Variants in RPRD1A observed in about 807,000 individuals in gnomAD.
RPRD1A encodes regulation of nuclear pre-mRNA domain containing 1A.
In RPRD1A, 9 loss-of-function variants were observed where a neutral mutation model predicts 37.8. That is an observed-to-expected ratio of 0.24 (90% CI 0.14 to 0.42). RPRD1A has a LOEUF of 0.42. Among genes scored for constraint, RPRD1A ranks in the 10% least tolerant of loss-of-function variants. RPRD1A has a pLI of 1.00. For missense variants in RPRD1A, 255 were observed against 371.0 expected, an observed-to-expected ratio of 0.69 and a Z score of 2.57; for synonymous variants, 138 against 139.7, an observed-to-expected ratio of 0.99 and a Z score of 0.08.
rs151308791 is a variant in RPRD1A, at chr18:36,039,096, G to A, written c.152-5259C>T. ...GGGAAAGCATGATTGGTTTTGAAAT[G>A]TAAGAAGGACATGAGATTTGGGAGG... is the stretch of plus-strand genomic sequence containing the variant. On this transcript the variant is annotated intron_variant, in intron 1 of 6. Transcript: ENST00000399022. 7.0e-4 allele frequency among the ~76,000 whole-genome samples: 106 copies of A among 152,262 alleles called. 1 individual carries two copies. Among genetic ancestry groups the A allele is most frequent in the African/African-American group, 2.5e-3 (103 of 41,550 alleles).
chr18:35,994,203 T>C (rs915496438), intron 6 of RPRD1A, among the ~76,000 whole-genome samples: 2 of 152,196 alleles, frequency 1.3e-5, no homozygotes, highest in African/African-American at 2.4e-5. Context: ...CAATTCACTA[T>C]TACCACAGTG....
chr18:36,049,476 G>C (rs555226982), intron 1 of RPRD1A, among the ~76,000 whole-genome samples: 14 of 152,210 alleles, frequency 9.2e-5, no homozygotes, highest in Non-Finnish European at 1.6e-4. Flanking sequence ...TGCTGCATAA[G>C]GAAGAAAATT....
At chr18:36,050,868 CTTTT>C (rs374429594) in intron 1 of RPRD1A, among the ~76,000 whole-genome samples, 3 of 128,082 alleles carry the variant, frequency 2.3e-5, no homozygotes, top group Admixed American at 7.5e-5. Flanking sequence ...CTTTTCTTTT[CTTTT>C]TTTTTTTTAC....
At chr18:36,028,043 C>T (rs181721617) in intron 4 of RPRD1A, 2 of 151,990 alleles carry the variant, frequency 1.3e-5, no homozygotes, top group East Asian at 1.9e-4. Context: ...TTTCACAACT[C>T]ATAATGTCTA....
At position 36,008,543 on chromosome 18, in the gene RPRD1A, T is replaced by G. The variant is rs896259810; in HGVS notation, c.790-15243A>C. Among the ~76,000 whole-genome samples the G allele has an allele frequency of 3.1e-4, 19 of 61,318 alleles. No homozygotes were observed. The East Asian group carries it at 7.0e-3, about 23-fold the overall frequency. 40.2% of individuals were successfully genotyped at this position (61,318 alleles called of 152,430 possible). On this transcript the variant is annotated intron_variant, in intron 6 of 6. Coordinates refer to ENST00000399022, the MANE Select transcript of RPRD1A (RefSeq NM_018170.5). Reference sequence around the variant, plus strand: ...GTGAGCCATGATTGCACCATCGCACTCTAGCCTGGGCGACACAGCAAGACC... The same window carrying G: ...GTGAGCCATGATTGCACCATCGCACGCTAGCCTGGGCGACACAGCAAGACC...
intron 6 of RPRD1A, among the ~76,000 whole-genome samples, chr18:36,001,257 T>TG (rs2144159485): frequency 6.6e-6 from 1 of 152,272 alleles, no homozygotes; most frequent in Non-Finnish European, 1.5e-5. Context: ...GGTGGAAGGA[T>TG]GGAGCAGAGA....
intron 1 of RPRD1A, among the ~76,000 whole-genome samples, chr18:36,044,162 G>A (rs1294020557): frequency 6.6e-6 from 1 of 152,092 alleles, no homozygotes; most frequent in Non-Finnish European, 1.5e-5. Context: ...GGGAAGAGGA[G>A]CGGTTGGTCT....
intron 1 of RPRD1A, among the ~76,000 whole-genome samples, chr18:36,035,781 G>A (rs56983286): frequency 0.019 from 2,895 of 152,220 alleles, 84 homozygotes; most frequent in African/African-American, 0.065. Context: ...AAATGTTGAC[G>A]CATGTTACAA....
chr18:36,057,603 C>A (rs1379275790), intron 1 of RPRD1A, among the ~76,000 whole-genome samples: 1 of 151,978 alleles, frequency 6.6e-6, no homozygotes, highest in South Asian at 2.1e-4. Flanking sequence ...GAGAGTAAGA[C>A]CCTGTCTCAA....
chr18:35,993,106 C>T lies in RPRD1A; in HGVS notation c.*45G>A. ...CTACAGGACTATCCACCTAACCTGT[C>T]TCCATCTCTTGCAAAGTCCTGGGAC... On this transcript the variant is annotated 3_prime_UTR_variant, in exon 7 of 7. Transcript: ENST00000399022. The T allele has an allele frequency of 6.3e-7, 1 of 1,580,814 alleles. No homozygotes were observed. Among genetic ancestry groups the T allele is most frequent in the Non-Finnish European group, 8.6e-7 (1 of 1,160,294 alleles).
At chr18:35,998,506 C>A (rs1176624166) in intron 6 of RPRD1A, among the ~76,000 whole-genome samples, 1 of 152,206 alleles carries the variant, frequency 6.6e-6, no homozygotes, top group Non-Finnish European at 1.5e-5. Context: ...CCTCATTCAA[C>A]AAGGCCCACC....
At chr18:36,050,069 G>C (rs185042082) in intron 1 of RPRD1A, among the ~76,000 whole-genome samples, 216 of 152,106 alleles carry the variant, frequency 1.4e-3, no homozygotes, top group Middle Eastern at 3.4e-3. Flanking sequence ...AAAATAAAAG[G>C]GTTGTTGGGG....
intron 6 of RPRD1A, among the ~76,000 whole-genome samples, chr18:35,996,548 T>A (rs1020024554): frequency 3.3e-5 from 5 of 152,196 alleles, no homozygotes; most frequent in Non-Finnish European, 7.3e-5. Flanking sequence ...ACATCAAAAT[T>A]GATGAATAAA....
intron 6 of RPRD1A, among the ~76,000 whole-genome samples, chr18:36,012,004 C>T (rs536255507): frequency 6.6e-6 from 1 of 152,304 alleles, no homozygotes; most frequent in South Asian, 2.1e-4. Context: ...GTCCATTCCA[C>T]CCAGGACAAA....
At chr18:36,048,642 C>T (rs1406320802) in intron 1 of RPRD1A, among the ~76,000 whole-genome samples, 7 of 145,986 alleles carry the variant, frequency 4.8e-5, no homozygotes, top group African/African-American at 1.5e-4. Flanking sequence ...TAAAAAGCAC[C>T]TAAAAAAAAA....
intron 6 of RPRD1A, among the ~76,000 whole-genome samples, chr18:36,017,367 T>A (rs186425468): frequency 6.6e-6 from 1 of 152,232 alleles, no homozygotes; most frequent in Admixed American, 6.5e-5. Context: ...GCTGAGCACA[T>A]TTTTCTAATT....
intron 1 of RPRD1A, among the ~76,000 whole-genome samples, chr18:36,035,406 G>A (rs1490786231): frequency 1.3e-5 from 2 of 151,992 alleles, no homozygotes; most frequent in Non-Finnish European, 2.9e-5. Context: ...TCTCTATTTG[G>A]CAGCTGAACA....
chr18:36,000,918 A>G (rs1170015242), intron 6 of RPRD1A, among the ~76,000 whole-genome samples: 1 of 152,194 alleles, frequency 6.6e-6, no homozygotes, highest in Admixed American at 6.5e-5. Context: ...TGAAGATGTT[A>G]TCCAAATGAA....
chr18:36,067,552 A>G lies in RPRD1A; in HGVS notation c.-148T>C, dbSNP rs1450307396. 3 of 729,308 alleles carry G rather than the reference A, an allele frequency of 4.1e-6. No homozygotes were observed. Among genetic ancestry groups the G allele is most frequent in the Non-Finnish European group, 6.3e-6 (3 of 473,500 alleles). The allele number at this position is 729,308 out of a possible 1,614,324, so 45.2% of individuals were successfully genotyped here. On this transcript the variant is annotated 5_prime_UTR_variant, in exon 1 of 7. Coordinates refer to ENST00000399022, the MANE Select transcript of RPRD1A (RefSeq NM_018170.5). ...CTTCATCCAAGACCGGCCGCAAACC[A>G]GCAAGATGGCGTCCGGCCGGCAGTG...
Sources: allele counts gnomAD v4.1 joint callset (sites outside exome capture counted in the v4.1 genomes callset), GRCh38; gene constraint gnomAD v4.1.1; transcripts MANE v1.5; gene names NCBI Gene and HGNC (gene_info 2026-07-23, HGNC 2026-07-21).